LMLN: variants seen among roughly 807,000 people sequenced by gnomAD.
LMLN encodes the protein leishmanolysin-like peptidase.
Under a neutral mutation model 92.3 loss-of-function variants are expected in LMLN, and 70 were observed. That is an observed-to-expected ratio of 0.76 (90% confidence interval 0.63 to 0.92). The LOEUF (loss-of-function observed/expected upper bound fraction) is 0.92. Ranked by LOEUF, LMLN falls within the 40% of genes least tolerant of loss-of-function variation. LMLN has a pLI of 0.00. For synonymous variants in LMLN, 308 were observed against 296.2 expected (o/e 1.04, Z -0.41); for missense variants, 691 against 814.6 (o/e 0.85, Z 1.85).
rs193920933 is a variant in LMLN at position 197,996,244 on chromosome 3, G to T, written c.1117G>T (p.Gly373Cys). The change falls in exon 10 of 16, where the codon GGC becomes TGC. Residue 373 changes from glycine to cysteine, a missense_variant. Transcript: ENST00000330198. ...GGAACTTGAAAATCAAGGTGGTGTG[G>T]GCACTGAGCTCAACCATTGGGAAAA... 1 of 1,604,808 alleles carries T rather than the reference G, an allele frequency of 6.2e-7. No individual in the cohort carries two copies. Among genetic ancestry groups the T allele is most frequent in the East Asian group, 2.3e-5 (1 of 44,040 alleles).
intron 1 of LMLN, among the ~76,000 whole-genome samples, chr3:197,966,545 GT>G (rs57088133): frequency 0.023 from 3,190 of 141,662 alleles, 76 homozygotes; most frequent in African/African-American, 0.068. Flanking sequence ...TTTTCTAAGA[GT>G]TTTTTTTTTT....
chr3:197,980,228 T>G (rs1721516720), intron 5 of LMLN, 98 bp from the exon 6 acceptor site: 9 of 961,356 alleles, frequency 9.4e-6, no homozygotes, highest in Non-Finnish European at 1.3e-5. Flanking sequence ...AAGATTAAAT[T>G]GTACTGTGTT....
At chr3:197,967,498 G>C (rs569211460) in intron 1 of LMLN, among the ~76,000 whole-genome samples, 1 of 152,268 alleles carries the variant, frequency 6.6e-6, no homozygotes, top group African/African-American at 2.4e-5. Flanking sequence ...GCAAAAAGGA[G>C]AACAAAGATC....
intron 11 of LMLN, chr3:198,003,051 A>C (rs1722218536): frequency 1.3e-6 from 2 of 1,551,552 alleles, no homozygotes; most frequent in Non-Finnish European, 1.7e-6. Flanking sequence ...CTGAGAAGTT[A>C]GACTGGGGCC....
At chr3:198,038,488 C>T (rs1459147019) in intron 15 of LMLN, 79 bp from the exon 17 acceptor site, 7 of 1,015,952 alleles carry the variant, frequency 6.9e-6, no homozygotes, top group South Asian at 1.3e-5. Flanking sequence ...AATCACTGCT[C>T]TTCATCTGTC....
chr3:197,975,510 C>T (rs575112060), intron 3 of LMLN, among the ~76,000 whole-genome samples: 12 of 148,006 alleles, frequency 8.1e-5, no homozygotes, highest in South Asian at 2.1e-4. Flanking sequence ...CGCACGTGCA[C>T]GCACACACAT....
intron 1 of LMLN, among the ~76,000 whole-genome samples, chr3:197,968,298 G>A (rs996473824): frequency 2.0e-5 from 3 of 151,422 alleles, no homozygotes; most frequent in African/African-American, 7.3e-5. Flanking sequence ...AACCCCGTCT[G>A]TACTAAAAAT....
intron 11 of LMLN, among the ~76,000 whole-genome samples, chr3:198,014,439 C>G (rs1195276363): frequency 2.1e-4 from 27 of 126,072 alleles, no homozygotes; most frequent in South Asian, 6.1e-4. Flanking sequence ...TTCAGAGCCC[C>G]CTAACTAGTC....
exon 1 of LMLN, chr3:197,960,386 C>G (rs757375634): frequency 8.7e-6 from 14 of 1,613,890 alleles, no homozygotes; most frequent in South Asian, 3.3e-5. Flanking sequence ...CATCTACTCC[C>G]GTCTCCTTGG....
intron 1 of LMLN, among the ~76,000 whole-genome samples, chr3:197,973,625 A>G (rs1373395405): frequency 6.6e-6 from 1 of 152,134 alleles, no homozygotes; most frequent in East Asian, 1.9e-4. Context: ...AAAATACTGG[A>G]AGTAGGGTGT....
chr3:197,998,357 A>G (rs1456067076), intron 10 of LMLN, among the ~76,000 whole-genome samples: 1 of 152,250 alleles, frequency 6.6e-6, no homozygotes, highest in Non-Finnish European at 1.5e-5. Flanking sequence ...GGTGACCACA[A>G]AGTAACAATG....
chr3:198,008,618 T>C (rs932037186), intron 11 of LMLN, among the ~76,000 whole-genome samples: 2 of 152,166 alleles, frequency 1.3e-5, no homozygotes, highest in Non-Finnish European at 2.9e-5. Context: ...TCCCAGCTAC[T>C]CAGAAGGCTG....
At chr3:197,976,763 G>T (rs969162509) in intron 5 of LMLN, 48 bp downstream of exon 5, 1 of 920,352 alleles carries the variant, frequency 1.1e-6, no homozygotes, top group African/African-American at 1.7e-5. Context: ...AGGAGATTTT[G>T]AATTTGTGAG....
In LMLN at chr3:197,975,167, G is replaced by A. The variant is rs1279698787; in HGVS notation, c.348+95G>A. ...AAAGAAAAATATATACATGACTTTT[G>A]TGACTGAATGAAAGGTGTTGGTAGT... is the stretch of plus-strand genomic sequence containing the variant. On this transcript the variant is annotated intron_variant, in intron 3 of 15. Transcript: ENST00000330198. 5.4e-5 allele frequency: 37 copies of A among 687,214 alleles called. No homozygotes were observed. The East Asian group carries it at 9.5e-4, about 18-fold the overall frequency. The allele number at this position is 687,214 out of a possible 1,614,324, so 42.6% of individuals were successfully genotyped here.
At chr3:198,039,660 T>C (rs1469406622) in exon 16 of LMLN, 3 of 138,768 alleles carry the variant, frequency 2.2e-5, no homozygotes, top group African/African-American at 8.8e-5. Flanking sequence ...CCCATTGTTC[T>C]AAAGAATTTT....
At chr3:197,968,081 G>A (rs562833446) in intron 1 of LMLN, among the ~76,000 whole-genome samples, 1 of 152,262 alleles carries the variant, frequency 6.6e-6, no homozygotes, top group African/African-American at 2.4e-5. Flanking sequence ...TATACAGTTA[G>A]ATACAATTAT....
rs1442615531 is a variant in LMLN, at chr3:198,025,373, TTTTC to T, written c.1656+589_1656+592del. On this transcript the variant is annotated intron_variant, in intron 14 of 15. Coordinates refer to ENST00000330198, the Ensembl canonical transcript of LMLN. The surrounding 1 kb of genome is among the most constrained non-coding windows in gnomAD (Gnocchi z 4.3). ...AGGGCAAACTACAATTTTTTTTCCT[TTTTC>T]TTTTTCTTTTTTTTGAGACAAGGTC... is the stretch of plus-strand genomic sequence containing the variant. Among the ~76,000 whole-genome samples, 4 of 152,144 alleles carry T rather than the reference TTTTC, an allele frequency of 2.6e-5. 1 individual carries two copies. Among genetic ancestry groups the T allele is most frequent in the Non-Finnish European group, 5.9e-5 (4 of 68,026 alleles).
chr3:197,986,066 T>G (rs1018497065), intron 8 of LMLN, among the ~76,000 whole-genome samples, 176 bp downstream of exon 8: 7 of 152,120 alleles, frequency 4.6e-5, no homozygotes, highest in African/African-American at 1.7e-4. Context: ...AAACATAACT[T>G]GTGAGATGTA....
chr3:197,992,110 A>G (rs1363617411), intron 9 of LMLN, among the ~76,000 whole-genome samples: 1 of 151,960 alleles, frequency 6.6e-6, no homozygotes, highest in Non-Finnish European at 1.5e-5. Flanking sequence ...AAAAAAAGAA[A>G]AAAGGAAATT....
Sources: gnomAD v4.1 joint callset for allele counts (sites outside exome capture counted in the v4.1 genomes callset) on GRCh38, gnomAD v4.1.1 for gene constraint, Gnocchi (gnomAD v3.1) non-coding constraint, MANE v1.5 for transcripts, NCBI Gene and HGNC (gene_info 2026-07-23, HGNC 2026-07-21) for gene names.